The following ZNF292 variants were observed in gnomAD, a reference collection of about 807,000 sequenced individuals.
ZNF292 encodes zinc finger protein 292, also known as 16 zinc-finger domain protein.
ZNF292 carries 26 observed loss-of-function variants against 217.9 expected under a neutral mutation model. The observed-to-expected ratio is 0.12, with a 90% CI of 0.09 to 0.17. ZNF292 has a LOEUF of 0.17. Among genes scored for constraint, ZNF292 ranks in the 10% least tolerant of loss-of-function variants. The pLI, the probability that ZNF292 is intolerant of heterozygous loss-of-function variation, is 1.00. For missense variants in ZNF292, 2,904 were observed against 3,175.2 expected (o/e 0.91, Z 2.05); for synonymous variants, 1,257 against 1,124.1 (o/e 1.12, Z -2.37).
At position 87,185,290 on chromosome 6, in the gene ZNF292, A is replaced by T. The variant is rs180934209; in HGVS notation, c.168+29531A>T. 2.0e-5 allele frequency among the ~76,000 whole-genome samples: 3 copies of T among 152,262 alleles called. No individual in the cohort carries two copies. The East Asian group carries it at 5.8e-4, about 29-fold the overall frequency. The stretch of plus-strand genomic sequence containing the variant: ...CTTTCCCCAGAATTCGACTGTCAGG[A>T]TTTTGACATTTCAAGATTGATTTTC... On this transcript the variant is annotated intron_variant, in intron 1 of 7. Coordinates refer to ENST00000369577, the MANE Select transcript of ZNF292 (RefSeq NM_015021.3).
intron 1 of ZNF292, among the ~76,000 whole-genome samples, chr6:87,196,010 A>AGAGT (rs1771944471): frequency 1.3e-5 from 2 of 150,870 alleles, no homozygotes. Flanking sequence ...CCTGGGCAGC[A>AGAGT]GAGTGAGACT....
chr6:87,163,250 G>A (rs1048554948), intron 1 of ZNF292, among the ~76,000 whole-genome samples: 1 of 152,134 alleles, frequency 6.6e-6, no homozygotes, highest in Non-Finnish European at 1.5e-5. Flanking sequence ...AGGAGAGCGA[G>A]ACCATCCTGG....
intron 1 of ZNF292, among the ~76,000 whole-genome samples, chr6:87,207,853 G>T (rs191041655): frequency 6.6e-6 from 1 of 151,848 alleles, no homozygotes; most frequent in Non-Finnish European, 1.5e-5. Context: ...TATTTTCCAG[G>T]CCCATTGCAC....
chr6:87,155,768 G>A lies in ZNF292; in HGVS notation c.168+9G>A. On this transcript the variant is annotated intron_variant, in intron 1 of 7. Coordinates refer to ENST00000369577, the MANE Select transcript of ZNF292 (RefSeq NM_015021.3). ...GTCAGCAGCTGTGCCAGGTGAGGGC[G>A]CCCGGTGGTCCCCTCCCCCTTTCCC... is the stretch of plus-strand genomic sequence containing the variant. 6.3e-7 allele frequency: 1 copy of A among 1,584,232 alleles called. No homozygotes were observed. The highest frequency in any genetic ancestry group is 8.6e-7 in the Non-Finnish European group (1 of 1,165,532).
chr6:87,256,251 A>G lies in ZNF292; in HGVS notation c.2622A>G (p.Ser874=). The change falls in exon 8 of 8, where the codon TCA becomes TCG. Residue 874 remains serine, a synonymous_variant. Coordinates refer to ENST00000369577, the MANE Select transcript of ZNF292 (RefSeq NM_015021.3). Reference sequence around the variant, plus strand: ...AGAAAGAAAGATCTATGCTTCCTTCAGAAAATAACATTGAAAACAGCTTAC... The same window carrying G: ...AGAAAGAAAGATCTATGCTTCCTTCGGAAAATAACATTGAAAACAGCTTAC... ...NIEKERSMLP[S]ENNIENSLLA... is the part of the protein sequence containing the mutation. 3 of 1,613,918 alleles carry G rather than the reference A, an allele frequency of 1.9e-6. No individual in the cohort carries two copies. The highest frequency in any genetic ancestry group is 2.5e-6 in the Non-Finnish European group (3 of 1,179,822).
In ZNF292 at chr6:87,265,901, T is replaced by G. The variant is rs929680469; in HGVS notation, c.*4100T>G. ...GTAATGCTCATTGAATTTCAAGTAA[T>G]TGTGATTAAACGTTGATTAAAATCC... On this transcript the variant is annotated 3_prime_UTR_variant, in exon 8 of 8. Coordinates refer to ENST00000369577, the MANE Select transcript of ZNF292 (RefSeq NM_015021.3). Among the ~76,000 whole-genome samples, 1 of 152,204 alleles carries G rather than the reference T, an allele frequency of 6.6e-6. No individual in the cohort carries two copies. The highest frequency in any genetic ancestry group is 6.5e-5 in the Admixed American group (1 of 15,276).
rs546982100 is a variant in ZNF292 at position 87,179,402 on chromosome 6, C to A, written c.168+23643C>A. The stretch of plus-strand genomic sequence containing the variant: ...TCTCGAACTGCCAACCTCAGGTGAT[C>A]CGCCCGCATCAGCCTCCCAAAGTGC... On this transcript the variant is annotated intron_variant, in intron 1 of 7. Transcript: ENST00000369577. 7.2e-5 allele frequency among the ~76,000 whole-genome samples: 11 copies of A among 152,132 alleles called. No homozygotes were observed. In the South Asian group the frequency reaches 2.3e-3, roughly 32 times the overall value.
intron 1 of ZNF292, among the ~76,000 whole-genome samples, chr6:87,179,380 C>G (rs75414011): frequency 1.3e-5 from 2 of 151,874 alleles, no homozygotes; most frequent in African/African-American, 2.4e-5. Flanking sequence ...AGGAGGGTCT[C>G]GAACTGCCAA....
chr6:87,180,870 T>C (rs1013534721), intron 1 of ZNF292, among the ~76,000 whole-genome samples: 2 of 152,158 alleles, frequency 1.3e-5, no homozygotes, highest in African/African-American at 4.8e-5. Flanking sequence ...TATTTTCCTA[T>C]TACAATTAAT....
At chr6:87,242,773 G>A (rs3846775) in intron 5 of ZNF292, among the ~76,000 whole-genome samples, 80,945 of 151,970 alleles carry the variant, frequency 0.53, 21,925 homozygotes, top group Admixed American at 0.62. Flanking sequence ...TTGTAATGAG[G>A]TAATAAATTT....
intron 1 of ZNF292, among the ~76,000 whole-genome samples, chr6:87,189,140 G>A (rs561136543): frequency 1.3e-5 from 2 of 152,254 alleles, no homozygotes; most frequent in East Asian, 3.9e-4. Context: ...GAGAGACAGA[G>A]GTTGCAGTGA....
rs1211030076 is a variant in ZNF292 at position 87,257,605 on chromosome 6, G to A, written c.3976G>A (p.Val1326Ile). 19 of 1,607,234 alleles carry A rather than the reference G, an allele frequency of 1.2e-5. No homozygotes were observed. The East Asian group carries it at 4.2e-4, about 36-fold the overall frequency. The change falls in exon 8 of 8, where the codon GTT becomes ATT. Residue 1326 changes from valine to isoleucine, a missense_variant. Val to Ile is a conservative substitution (Grantham distance 29). Transcript: ENST00000369577. ...ENAVFPSQVNVANNFSSTNAQ... is the reference protein window; with the variant it reads ...ENAVFPSQVNIANNFSSTNAQ... ...TGCAGTTTTTCCTTCACAAGTGAAT[G>A]TTGCAAATAACTTCAGTAGCACCAA... is the stretch of plus-strand genomic sequence containing the variant.
intron 1 of ZNF292, chr6:87,215,066 A>G (rs1582432943): frequency 2.6e-5 from 4 of 152,132 alleles, no homozygotes; most frequent in Admixed American, 2.6e-4. Context: ...GAGAGGACCA[A>G]TTGTGGCAGT....
chr6:87,245,971 G>T (rs1774557565), intron 7 of ZNF292, among the ~76,000 whole-genome samples: 1 of 152,220 alleles, frequency 6.6e-6, no homozygotes. Context: ...GGTGGCTCAT[G>T]CCTGTAATCC....
At chr6:87,254,152 A>G (rs980037301) in intron 7 of ZNF292, among the ~76,000 whole-genome samples, 1 of 152,152 alleles carries the variant, frequency 6.6e-6, no homozygotes, top group Non-Finnish European at 1.5e-5. Flanking sequence ...AAATATGGGG[A>G]TGTTCTCAGT....
chr6:87,197,661 CCA>C (rs1327403219), intron 1 of ZNF292, among the ~76,000 whole-genome samples: 2 of 149,174 alleles, frequency 1.3e-5, no homozygotes, highest in Admixed American at 6.7e-5. Flanking sequence ...TGCTTGAACC[CCA>C]GAGGCGGAGG....
intron 1 of ZNF292, among the ~76,000 whole-genome samples, chr6:87,171,743 A>G (rs750551925): frequency 5.3e-5 from 8 of 152,148 alleles, no homozygotes; most frequent in Non-Finnish European, 1.2e-4. Flanking sequence ...ACTAGTTAAC[A>G]TTTCAAGGGC....
chr6:87,171,042 A>G (rs1014072249), intron 1 of ZNF292, among the ~76,000 whole-genome samples: 1 of 152,220 alleles, frequency 6.6e-6, no homozygotes, highest in South Asian at 2.1e-4. Flanking sequence ...CACTGTTTTC[A>G]AGTTACCCAT....
At chr6:87,231,336 ATTCTTT>A (rs145290253) in intron 4 of ZNF292, among the ~76,000 whole-genome samples, 2,923 of 152,130 alleles carry the variant, frequency 0.019, 94 homozygotes, top group African/African-American at 0.066. Context: ...AAAAAAAAAA[ATTCTTT>A]TTCTTACCTC....
Sources: allele counts gnomAD v4.1 joint callset (sites outside exome capture counted in the v4.1 genomes callset), GRCh38; gene constraint gnomAD v4.1.1; transcripts MANE v1.5; gene names NCBI Gene and HGNC (gene_info 2026-07-23, HGNC 2026-07-21).